The following TBC1D32 variants were observed in gnomAD, a reference collection of about 807,000 sequenced individuals.
TBC1D32 encodes protein broad-minded.
Under a neutral mutation model 170.3 loss-of-function variants are expected in TBC1D32, and 151 were observed. That is an observed-to-expected ratio of 0.89 (90% CI 0.78 to 1.01). The LOEUF is 1.01. Ranked by LOEUF, TBC1D32 falls within the 50% of genes least tolerant of loss-of-function variation. TBC1D32 has a pLI of 0.00. For missense variants in TBC1D32, 1,464 were observed against 1,457.1 expected (o/e 1.00, Z -0.08); for synonymous variants, 498 against 488.0 (o/e 1.02, Z -0.27).
At chr6:121,154,169 G>C (rs140271134) in intron 24 of TBC1D32, among the ~76,000 whole-genome samples, 1 of 152,142 alleles carries the variant, frequency 6.6e-6, no homozygotes, top group Non-Finnish European at 1.5e-5. Context: ...AAGATGGTGG[G>C]AAAAGCGTAG....
rs4466276 is a variant in TBC1D32 at position 121,279,037 on chromosome 6, T to C, written c.1733+84A>G. ...ATAATCCTGGTTACTCCAGCTTTTTTAGATCATTTAATATATTATTAGCAG... is the reference window on the plus strand; with the variant it reads ...ATAATCCTGGTTACTCCAGCTTTTTCAGATCATTTAATATATTATTAGCAG... On this transcript the variant is annotated intron_variant, in intron 15 of 31. Transcript: ENST00000398212. 9.3e-3 allele frequency: 13,384 copies of C among 1,445,688 alleles called. 1,073 individuals carry two copies. The African/African-American group carries it at 0.17, about 18-fold the overall frequency. 89.6% of individuals were successfully genotyped at this position (1,445,688 alleles called of 1,614,324 possible).
intron 24 of TBC1D32, among the ~76,000 whole-genome samples, chr6:121,140,431 T>C (rs1782646117): frequency 6.6e-6 from 1 of 151,978 alleles, no homozygotes; most frequent in Non-Finnish European, 1.5e-5. Flanking sequence ...CATCTGAAAC[T>C]ATCTGGCTAA....
chr6:121,169,101 A>G (rs12205580), intron 22 of TBC1D32, among the ~76,000 whole-genome samples: 106,460 of 152,022 alleles, frequency 0.7, 41,750 homozygotes, highest in Non-Finnish European at 0.87. Flanking sequence ...AAAAGACCTC[A>G]AATAGCCAAC....
chr6:121,096,854 G>A (rs901433439), intron 30 of TBC1D32, among the ~76,000 whole-genome samples: 2 of 152,040 alleles, frequency 1.3e-5, no homozygotes, highest in Admixed American at 6.6e-5. Flanking sequence ...CAGATATATA[G>A]ACCAATTGAA....
chr6:121,243,370 T>A (rs1797218651), intron 17 of TBC1D32, among the ~76,000 whole-genome samples: 1 of 152,068 alleles, frequency 6.6e-6, no homozygotes, highest in Non-Finnish European at 1.5e-5. Context: ...CCAATCCCCA[T>A]CTACAGCCAC....
At chr6:121,218,096 T>C (rs1166611416) in intron 21 of TBC1D32, among the ~76,000 whole-genome samples, 3 of 152,218 alleles carry the variant, frequency 2.0e-5, no homozygotes, top group African/African-American at 7.2e-5. Context: ...AGTCAAGTCA[T>C]ATAGCTCAAA....
chr6:121,267,823 T>C (rs116226756), intron 15 of TBC1D32, among the ~76,000 whole-genome samples: 4,990 of 152,150 alleles, frequency 0.033, 198 homozygotes, highest in East Asian at 0.12. Context: ...TGGGTCCCTG[T>C]CTCCCAAGTA....
At chr6:121,287,677 C>T (rs1008749117) in intron 12 of TBC1D32, among the ~76,000 whole-genome samples, 2 of 152,168 alleles carry the variant, frequency 1.3e-5, no homozygotes, top group Non-Finnish European at 2.9e-5. Context: ...CAGAACTCTC[C>T]ACCCCAAATC....
At chr6:121,204,449 A>G (rs1791975097) in intron 22 of TBC1D32, among the ~76,000 whole-genome samples, 1 of 151,328 alleles carries the variant, frequency 6.6e-6, no homozygotes, top group East Asian at 1.9e-4. Flanking sequence ...GAAACTATGA[A>G]AATGGAAAAT....
chr6:121,334,545 G>A (rs902217051), upstream of TBC1D32: 14 of 1,291,744 alleles, frequency 1.1e-5, no homozygotes, highest in African/African-American at 1.5e-5. Context: ...TCGTTCCCAG[G>A]GATACCGCGG....
At chr6:121,228,079 T>C (rs1215511202) in intron 20 of TBC1D32, among the ~76,000 whole-genome samples, 2 of 152,142 alleles carry the variant, frequency 1.3e-5, no homozygotes, top group African/African-American at 2.4e-5. Flanking sequence ...CAAATCATAA[T>C]ATTCACTTAT....
At chr6:121,228,951 G>T (rs1225052382) in intron 20 of TBC1D32, among the ~76,000 whole-genome samples, 2 of 151,656 alleles carry the variant, frequency 1.3e-5, no homozygotes, top group East Asian at 3.9e-4. Flanking sequence ...TGTCTTTCTG[G>T]CGTATTGACC....
chr6:121,196,029 G>C (rs1247980095), intron 22 of TBC1D32, among the ~76,000 whole-genome samples: 1 of 152,318 alleles, frequency 6.6e-6, no homozygotes, highest in East Asian at 1.9e-4. Context: ...TGGGGAAGAA[G>C]TATGTGGATG....
At chr6:121,106,840 C>T (rs1778737810) in intron 29 of TBC1D32, among the ~76,000 whole-genome samples, 1 of 151,820 alleles carries the variant, frequency 6.6e-6, no homozygotes, top group Non-Finnish European at 1.5e-5. Flanking sequence ...AATATATACA[C>T]ACATCTATAT....
In TBC1D32 at chr6:121,279,218, A is replaced by G; in HGVS notation, c.1636T>C (p.Leu546=). The G allele has an allele frequency of 1.2e-6, 2 of 1,609,500 alleles. No homozygotes were observed. Among genetic ancestry groups the G allele is most frequent in the Non-Finnish European group, 1.7e-6 (2 of 1,178,336 alleles). ...GCCAAAATACCAGCTATATGAATTAAAGCTGTCTCAGAGCAATTTGGAGAT... is the reference window on the plus strand; with the variant it reads ...GCCAAAATACCAGCTATATGAATTAGAGCTGTCTCAGAGCAATTTGGAGAT... ...EASPNCSETA[L]IHIAGILARI... The change falls in exon 15 of 32, where the codon TTA becomes CTA. Residue 546 remains leucine, a synonymous_variant. Coordinates refer to ENST00000398212, the MANE Select transcript of TBC1D32 (RefSeq NM_152730.6).
chr6:121,290,246 T>C (rs936122212), intron 12 of TBC1D32, among the ~76,000 whole-genome samples: 6 of 152,050 alleles, frequency 3.9e-5, no homozygotes, highest in African/African-American at 1.2e-4. Context: ...TTGCAATCTA[T>C]TCATCTGACA....
chr6:121,277,487 C>CAAAAA (rs755504493), intron 15 of TBC1D32, among the ~76,000 whole-genome samples: 22 of 28,154 alleles, frequency 7.8e-4, no homozygotes, highest in Admixed American at 1.8e-3. Flanking sequence ...GACTCCATCT[C>CAAAAA]AAAAAAAAAA....
At chr6:121,236,865 G>A (rs1391745507) in intron 20 of TBC1D32, 1 of 151,884 alleles carries the variant, frequency 6.6e-6, no homozygotes, top group Non-Finnish European at 1.5e-5. Context: ...TTATTTCTAA[G>A]TACAAAATAA....
rs780567281 is a variant in TBC1D32, at chr6:121,113,184, T to C, written c.3054-7A>G. The C allele has an allele frequency of 1.1e-5, 17 of 1,565,156 alleles. No individual in the cohort carries two copies. The highest frequency in any genetic ancestry group is 2.3e-5 in the East Asian group (1 of 44,430). Reference sequence around the variant, plus strand: ...ACTGAGGAATTTGCCATACCTATATTAAAAGCCCACAAAACATAAAACATA... The same window carrying C: ...ACTGAGGAATTTGCCATACCTATATCAAAAGCCCACAAAACATAAAACATA... On this transcript the variant is annotated splice_polypyrimidine_tract_variant and splice_region_variant and intron_variant, in intron 27 of 31. Coordinates refer to ENST00000398212, the MANE Select transcript of TBC1D32 (RefSeq NM_152730.6).
Sources: allele counts gnomAD v4.1 joint callset (sites outside exome capture counted in the v4.1 genomes callset), GRCh38; gene constraint gnomAD v4.1.1; transcripts MANE v1.5; gene names NCBI Gene and HGNC (gene_info 2026-07-23, HGNC 2026-07-21).